The following HOOK2 variants were observed in gnomAD, a reference collection of about 807,000 sequenced individuals.
HOOK2 encodes protein Hook homolog 2.
HOOK2 carries 108 observed loss-of-function variants against 111.9 expected under a neutral mutation model. The ratio of observed to expected loss-of-function variants is 0.96; its 90% confidence interval spans 0.83 to 1.13. HOOK2 has a LOEUF of 1.13. Ranked by LOEUF, HOOK2 falls within the 50% of genes most tolerant of loss-of-function variation. The pLI is 0.00. For synonymous variants in HOOK2, 405 were observed against 394.3 expected, an observed-to-expected ratio of 1.03 and a Z score of -0.32; for missense variants, 978 against 951.3, an observed-to-expected ratio of 1.03 and a Z score of -0.37.
chr19:12,770,109 G>T, intron 10 of HOOK2, 27 bp from the exon 11 acceptor site: 3 of 1,464,960 alleles, frequency 2.0e-6, no homozygotes, highest in Non-Finnish European at 1.8e-6. Flanking sequence ...GAAGGGGGAG[G>T]GCTGAGAGCT....
upstream of HOOK2, chr19:12,775,567 C>A: frequency 9.7e-7 from 1 of 1,033,680 alleles, no homozygotes; most frequent in Non-Finnish European, 1.3e-6. Flanking sequence ...CGCCGCCCCG[C>A]CCCGCCCCCC....
At chr19:12,785,530 C>T (rs749490841) in intron 3 of HOOK2, among the ~76,000 whole-genome samples, 1 of 152,054 alleles carries the variant, frequency 6.6e-6, no homozygotes, top group Non-Finnish European at 1.5e-5. Flanking sequence ...TTTGAAACAA[C>T]CTACACGTAC....
intron 1 of HOOK2, 182 bp from the exon 2 acceptor site, chr19:12,775,079 C>T: frequency 2.7e-6 from 2 of 736,532 alleles, no homozygotes; most frequent in South Asian, 6.1e-5. Context: ...GGCCTCACCT[C>T]ACCTCTGCCC....
chr19:12,763,432 C>A lies in HOOK2; in HGVS notation c.2011-1G>T. ...CAGCTCGCTGCTGCAAGGCCATGCC[C>A]TTCAGGAGGAGGTGTGGTTGGGGTC... On this transcript the variant is annotated splice_acceptor_variant, in intron 22 of 22. Coordinates refer to ENST00000397668, the MANE Select transcript of HOOK2 (RefSeq NM_013312.3). LOFTEE classifies it high-confidence loss of function. 1 of 1,613,738 alleles carries A rather than the reference C, an allele frequency of 6.2e-7. No homozygotes were observed. The highest frequency in any genetic ancestry group is 8.5e-7 in the Non-Finnish European group (1 of 1,179,820).
chr19:12,769,464 C>T (rs929422757), intron 11 of HOOK2, among the ~76,000 whole-genome samples: 1 of 152,102 alleles, frequency 6.6e-6, no homozygotes, highest in Admixed American at 6.5e-5. Context: ...ACCCTGTCAC[C>T]CAGGCTGGAA....
At chr19:12,778,587 G>C (rs769212852), upstream of HOOK2, 3 of 152,224 alleles carry the variant, frequency 2.0e-5, no homozygotes, top group Non-Finnish European at 4.4e-5. Flanking sequence ...CCCGTTCCCA[G>C]GTAGCAATGG....
At chr19:12,765,340 C>T in intron 18 of HOOK2, 1 of 593,832 alleles carries the variant, frequency 1.7e-6, no homozygotes. Flanking sequence ...CCACAGCTCC[C>T]AAGCTGGTTC....
chr19:12,763,508 A>G lies in HOOK2; in HGVS notation c.2010+20T>C. 6.2e-7 allele frequency: 1 copy of G among 1,614,170 alleles called. No homozygotes were observed. Among genetic ancestry groups the G allele is most frequent in the Non-Finnish European group, 8.5e-7 (1 of 1,180,032 alleles). On this transcript the variant is annotated intron_variant, in intron 22 of 22. Transcript: ENST00000397668. ...CAATATTCTACCCATGAGATCTTAG[A>G]GCCCAGACCCCACACTTACCATATT...
Position 12,763,189 on chromosome 19 carries a change from T to C in HOOK2, c.*93A>G. 1.7e-6 allele frequency: 2 copies of C among 1,202,906 alleles called. No homozygotes were observed. Among genetic ancestry groups the C allele is most frequent in the Non-Finnish European group, 2.2e-6 (2 of 893,452 alleles). 74.5% of individuals were successfully genotyped at this position (1,202,906 alleles called of 1,614,324 possible). A position where few individuals can be genotyped will look rare whatever the true frequency, so the allele number is the denominator to read the frequency against. On this transcript the variant is annotated 3_prime_UTR_variant, in exon 23 of 23. Coordinates refer to ENST00000397668, the MANE Select transcript of HOOK2 (RefSeq NM_013312.3). ...AGCAGAGATCATGGCCTCAAAGCTC[T>C]CGAGCACCTGGCTGAAGCCCAGTGC... is the stretch of plus-strand genomic sequence containing the variant.
rs148915203 is a variant in HOOK2 at position 12,774,877 on chromosome 19, C to T, written c.66G>A (p.Pro22=). The change falls in exon 2 of 23, where the codon CCG becomes CCA. Residue 22 remains proline, a synonymous_variant. Transcript: ENST00000397668. ...GGTCCTGAGGGCTGGCACAGGGAGA[C>T]GGAACGTGGAACGTCTGTAACTGAG... The part of the protein sequence containing the change: ...LLTWLQTFHV[P]SPCASPQDLS... 268 of 1,614,022 alleles carry T rather than the reference C, an allele frequency of 1.7e-4. No homozygotes were observed. The East Asian group carries it at 5.6e-3, about 34-fold the overall frequency.
At chr19:12,780,850 C>A (rs1294753328), upstream of HOOK2, among the ~76,000 whole-genome samples, 1 of 137,246 alleles carries the variant, frequency 7.3e-6, no homozygotes, top group Non-Finnish European at 1.6e-5. Context: ...TAGTGGCGGG[C>A]GCCTGTAGTC....
intron 3 of HOOK2, among the ~76,000 whole-genome samples, chr19:12,785,657 C>T (rs954848725): frequency 1.3e-5 from 2 of 152,198 alleles, no homozygotes; most frequent in African/African-American, 4.8e-5. Context: ...GGCACAGAAG[C>T]GGGCAGAGGG....
intron 15 of HOOK2, 35 bp downstream of exon 15, chr19:12,766,068 C>T (rs752054929): frequency 1.2e-6 from 2 of 1,605,624 alleles, no homozygotes; most frequent in Admixed American, 1.7e-5. Context: ...CCCCCTCTGT[C>T]CCTGCTCCGC....
intron 20 of HOOK2, among the ~76,000 whole-genome samples, 194 bp from the exon 21 acceptor site, chr19:12,763,972 A>G (rs1968073808): frequency 6.6e-6 from 1 of 152,144 alleles, no homozygotes; most frequent in Non-Finnish European, 1.5e-5. Context: ...GGTTACAAGC[A>G]TGAGCCATTG....
rs1238690238 is a variant in HOOK2 at position 12,773,025 on chromosome 19, A to G, written c.224T>C (p.Val75Ala). Residue 75 changes from valine to alanine, a missense_variant, in exon 4 of 23, where the codon GTC (valine) becomes GCC (alanine). Val to Ala is a moderately conservative substitution (Grantham distance 64). Around this residue, in one of 5 missense-constraint regions of HOOK2, gnomAD observed 301 missense variants for 286.1 expected, o/e 1.05. Coordinates refer to ENST00000397668, the MANE Select transcript of HOOK2 (RefSeq NM_013312.3). ...GGAGTACTCTACTAGGCTCCGTAAG[A>G]CCATCTTCAGATTGCTGACCTAGGG... ...WKLKVSNLKMVLRSLVEYSQD... is the reference protein window; with the variant it reads ...WKLKVSNLKMALRSLVEYSQD... The G allele has an allele frequency of 6.2e-7, 1 of 1,613,902 alleles. No individual in the cohort carries two copies. The highest frequency in any genetic ancestry group is 8.5e-7 in the Non-Finnish European group (1 of 1,180,004).
Position 12,767,857 on chromosome 19 carries a change from A to G in HOOK2, c.1262T>C (p.Leu421Pro), listed in dbSNP as rs1289743150. The stretch of plus-strand genomic sequence containing the variant: ...CCGCGGCTGCAGCTGGGCGCAGCGC[A>G]GCTCCTCATTGGCCTCCCGCAAGGA... ...RDSLREANEE[L>P]RCAQLQPRGL... is the part of the protein sequence containing the mutation. The change falls in exon 13 of 23, where the codon CTG becomes CCG. Residue 421 changes from leucine (L) to proline (P), a missense_variant. By Grantham distance (98) the Leu-to-Pro change is moderately conservative (BLOSUM62 -3). This residue lies in a region of HOOK2 where 388 missense variants were observed against 358.3 expected (regional missense o/e 1.08). Transcript: ENST00000397668. 1 of 1,606,990 alleles carries G rather than the reference A, an allele frequency of 6.2e-7. No individual in the cohort carries two copies. The highest frequency in any genetic ancestry group is 8.5e-7 in the Non-Finnish European group (1 of 1,179,928).
rs750669413 is a variant in HOOK2, at chr19:12,764,830, A to C, written c.1811T>G (p.Val604Gly). 8 of 1,613,914 alleles carry C rather than the reference A, an allele frequency of 5.0e-6. No individual in the cohort carries two copies. The East Asian group carries it at 1.8e-4, about 36-fold the overall frequency. The change falls in exon 20 of 23, where the codon GTG becomes GGG. Residue 604 changes from valine (V) to glycine (G), a missense_variant. Around this residue, in one of 5 missense-constraint regions of HOOK2, gnomAD observed 277 missense variants for 265.8 expected, o/e 1.04. Transcript: ENST00000397668. Reference sequence around the variant, plus strand: ...CGTCCTCACCATGCGGGCCTTGTCCACGTAGCGGCGGTATCGCTCCTCCAT... The same window carrying C: ...CGTCCTCACCATGCGGGCCTTGTCCCCGTAGCGGCGGTATCGCTCCTCCAT... ...RAMEERYRRY[V>G]DKARMVMQTM...
At chr19:12,787,147 AAC>A (rs1350057670) in intron 3 of HOOK2, 2 of 153,246 alleles carry the variant, frequency 1.3e-5, no homozygotes, top group African/African-American at 4.8e-5. Flanking sequence ...TAGCCTGAGC[AAC>A]AGAGTGAGAT....
chr19:12,767,479 A>G lies in HOOK2; in HGVS notation c.1304-15T>C. ...CAGTGAGGGATCTGAAGAATGCGAG[A>G]AAAGTCTTCAGGTCTCTTCGCATCC... On this transcript the variant is annotated splice_polypyrimidine_tract_variant and intron_variant, in intron 13 of 22. Transcript: ENST00000397668. The G allele has an allele frequency of 6.2e-6, 10 of 1,608,040 alleles. No homozygotes were observed. Among genetic ancestry groups the G allele is most frequent in the Non-Finnish European group, 8.5e-6 (10 of 1,175,548 alleles).
Sources: allele counts gnomAD v4.1 joint callset (sites outside exome capture counted in the v4.1 genomes callset), GRCh38; gene constraint gnomAD v4.1.1; regional missense constraint gnomAD v4.1.1; transcripts MANE v1.5; gene names NCBI Gene and HGNC (gene_info 2026-07-23, HGNC 2026-07-21).